PCDH15: variants seen among roughly 807,000 people sequenced by gnomAD.
PCDH15 encodes protocadherin-15.
Under a neutral mutation model 178.5 loss-of-function variants are expected in PCDH15, and 129 were observed. That is an observed-to-expected ratio of 0.72 (90% CI 0.63 to 0.84). The LOEUF is 0.84. PCDH15 is among the 40% of genes least tolerant of loss of function. The pLI is 0.00. For synonymous variants in PCDH15, 800 were observed against 732.0 expected (o/e 1.09, Z -1.50); for missense variants, 2,230 against 2,099.9 (o/e 1.06, Z -1.21).
intron 15 of PCDH15, among the ~76,000 whole-genome samples, chr10:54,116,899 A>G (rs2095123100): frequency 6.6e-6 from 1 of 152,124 alleles, no homozygotes; most frequent in Admixed American, 6.6e-5. Flanking sequence ...ACCCTTTATA[A>G]CAGAAACTTT....
At chr10:55,492,842 A>G (rs184220193) in intron 2 of PCDH15, among the ~76,000 whole-genome samples, 47 of 151,926 alleles carry the variant, frequency 3.1e-4, no homozygotes, top group African/African-American at 9.9e-4. Flanking sequence ...TGTCTTACAA[A>G]ATATATGCTA....
At chr10:54,516,600 T>A (rs1313571182) in intron 3 of PCDH15, among the ~76,000 whole-genome samples, 1 of 152,150 alleles carries the variant, frequency 6.6e-6, no homozygotes, top group Non-Finnish European at 1.5e-5. Flanking sequence ...TACCTGAAAG[T>A]GACGGGGAGA....
chr10:55,170,608 G>C (rs1035080494), intron 1 of PCDH15, among the ~76,000 whole-genome samples: 10 of 152,196 alleles, frequency 6.6e-5, no homozygotes, highest in African/African-American at 1.9e-4. Flanking sequence ...TGATGGCCGA[G>C]TGCAGTGGCT....
chr10:53,875,318 G>A (rs2080147983), intron 26 of PCDH15, among the ~76,000 whole-genome samples: 2 of 140,114 alleles, frequency 1.4e-5, no homozygotes, highest in African/African-American at 2.6e-5. Context: ...AATTCATAGA[G>A]ATATTTTAGT....
rs1046510010 is a variant in PCDH15, at chr10:55,146,747, T to C, written c.-80+19829A>G. On this transcript the variant is annotated intron_variant, in intron 2 of 5. Transcript: ENST00000458638. ...ATTAAAATAGACATTTTGACAAAAT[T>C]TACATTGTGTTTATGAGATGTATAA... 4.6e-5 allele frequency among the ~76,000 whole-genome samples: 7 copies of C among 152,046 alleles called. 1 individual carries two copies. Among genetic ancestry groups the C allele is most frequent in the South Asian group, 4.1e-4 (2 of 4,828 alleles).
chr10:55,620,112 C>G (rs1349625919), intron 2 of PCDH15, among the ~76,000 whole-genome samples: 1 of 151,904 alleles, frequency 6.6e-6, no homozygotes, highest in Non-Finnish European at 1.5e-5. Context: ...AAATTTAACC[C>G]GTTATTTTTG....
intron 2 of PCDH15, among the ~76,000 whole-genome samples, chr10:55,414,197 C>T (rs1262381633): frequency 6.6e-6 from 1 of 151,368 alleles, no homozygotes; most frequent in Non-Finnish European, 1.5e-5. Flanking sequence ...TTTAAGTATG[C>T]TTTGTCATTA....
At chr10:54,046,130 A>T (rs2093650621) in intron 18 of PCDH15, among the ~76,000 whole-genome samples, 1 of 152,202 alleles carries the variant, frequency 6.6e-6, no homozygotes, top group Non-Finnish European at 1.5e-5. Context: ...TCACGATCAT[A>T]ATGCGATATC....
intron 18 of PCDH15, among the ~76,000 whole-genome samples, chr10:54,055,550 A>T (rs2093867921): frequency 6.6e-6 from 1 of 152,126 alleles, no homozygotes; most frequent in Non-Finnish European, 1.5e-5. Context: ...AAACAGAGAT[A>T]AATAATTTAG....
chr10:54,256,764 A>G (rs1479858687), intron 8 of PCDH15, among the ~76,000 whole-genome samples: 2 of 152,028 alleles, frequency 1.3e-5, no homozygotes, highest in South Asian at 4.1e-4. Flanking sequence ...TTATTTCTTT[A>G]GCCTTCCATT....
rs528625973 is a variant in PCDH15, at chr10:54,939,540, T to C, written c.-79-42040A>G. On this transcript the variant is annotated intron_variant, in intron 2 of 5. Coordinates refer to the PCDH15 transcript ENST00000458638. Reference sequence around the variant, plus strand: ...AAAAAAAAATCAGTGATGTAATTTGTAGGCATTTGGTAGTTCGTAGTATTC... The same window carrying C: ...AAAAAAAAATCAGTGATGTAATTTGCAGGCATTTGGTAGTTCGTAGTATTC... Among the ~76,000 whole-genome samples the C allele has an allele frequency of 2.9e-5, 4 of 139,924 alleles. No homozygotes were observed. In the East Asian group the frequency reaches 8.1e-4, roughly 28 times the overall value. 91.8% of individuals were successfully genotyped at this position (139,924 alleles called of 152,430 possible).
chr10:54,463,406 C>T (rs1304533949), intron 3 of PCDH15, among the ~76,000 whole-genome samples: 1 of 152,052 alleles, frequency 6.6e-6, no homozygotes, highest in Non-Finnish European at 1.5e-5. Context: ...AATCTGAGAC[C>T]TAGTAAGGAT....
chr10:54,314,495 T>C (rs1292854883), intron 8 of PCDH15, among the ~76,000 whole-genome samples: 3 of 152,060 alleles, frequency 2.0e-5, no homozygotes, highest in Non-Finnish European at 4.4e-5. Flanking sequence ...CACCCTCTTG[T>C]AGATATTTTA....
rs538381043 is a variant in PCDH15 at position 54,427,464 on chromosome 10, G to A, written c.158-48522C>T. Among the ~76,000 whole-genome samples, 159 of 151,480 alleles carry A rather than the reference G, an allele frequency of 1.0e-3. 1 individual carries two copies. Among genetic ancestry groups the A allele is most frequent in the Middle Eastern group, 6.8e-3 (2 of 294 alleles). ...CGGCTAACTTTGTATTTTTAGTAGAGACGGGGTTTCTCCTTGTTGGTCACG... is the reference window on the plus strand; with the variant it reads ...CGGCTAACTTTGTATTTTTAGTAGAAACGGGGTTTCTCCTTGTTGGTCACG... On this transcript the variant is annotated intron_variant, in intron 3 of 37. Transcript: ENST00000644397.
chr10:54,773,299 G>T (rs569487092), intron 1 of PCDH15, among the ~76,000 whole-genome samples: 2 of 152,086 alleles, frequency 1.3e-5, no homozygotes, highest in African/African-American at 2.4e-5. Flanking sequence ...AGATCTAAAT[G>T]AGTCATAAAA....
At chr10:54,176,522 A>G (rs2047458847) in intron 13 of PCDH15, among the ~76,000 whole-genome samples, 1 of 152,218 alleles carries the variant, frequency 6.6e-6, no homozygotes, top group Non-Finnish European at 1.5e-5. Flanking sequence ...AAAAACAAGT[A>G]AAACAAAACC....
chr10:54,720,238 T>C (rs978077089), intron 1 of PCDH15, among the ~76,000 whole-genome samples: 6 of 152,050 alleles, frequency 3.9e-5, no homozygotes, highest in South Asian at 2.1e-4. Context: ...TAAAGATACA[T>C]GCACAAGCAT....
intron 1 of PCDH15, among the ~76,000 whole-genome samples, chr10:55,169,195 A>G (rs1324198622): frequency 3.3e-5 from 5 of 152,172 alleles, no homozygotes; most frequent in African/African-American, 1.2e-4. Flanking sequence ...AAAGCATACA[A>G]TTTCCCACGG....
intron 2 of PCDH15, among the ~76,000 whole-genome samples, chr10:55,000,435 T>C (rs1839771852): frequency 6.6e-6 from 1 of 152,184 alleles, no homozygotes; most frequent in Admixed American, 6.5e-5. Context: ...ACATTGCTGT[T>C]ATCTTGTTCT....
Sources: gnomAD v4.1 joint callset for allele counts (sites outside exome capture counted in the v4.1 genomes callset) on GRCh38, gnomAD v4.1.1 for gene constraint, MANE v1.5 for transcripts, NCBI Gene and HGNC (gene_info 2026-07-23, HGNC 2026-07-21) for gene names.